Variants in SHISA6 observed in about 807,000 individuals in gnomAD.
SHISA6 encodes the protein protein shisa-6.
SHISA6 carries 22 observed loss-of-function variants against 47.9 expected under a neutral mutation model. The ratio of observed to expected loss-of-function variants is 0.46; its 90% CI spans 0.33 to 0.66. The LOEUF (loss-of-function observed/expected upper bound fraction) is 0.66, where lower values mean the gene tolerates loss of function less well. Among genes scored for constraint, SHISA6 ranks in the 30% least tolerant of loss-of-function variants. The pLI, the probability that SHISA6 is intolerant of heterozygous loss-of-function variation, is 0.02. For synonymous variants in SHISA6, 388 were observed against 337.8 expected, an observed-to-expected ratio of 1.15 and a Z score of -1.63; for missense variants, 680 against 764.6, an observed-to-expected ratio of 0.89 and a Z score of 1.30.
intron 3 of SHISA6, among the ~76,000 whole-genome samples, chr17:11,445,043 CT>C (rs1915193392): frequency 6.6e-6 from 1 of 152,098 alleles, no homozygotes; most frequent in African/African-American, 2.4e-5. Flanking sequence ...TTTCATGTGA[CT>C]TTTAAAAGAT....
chr17:11,540,167 C>T (rs922842964), intron 3 of SHISA6, among the ~76,000 whole-genome samples: 3 of 152,202 alleles, frequency 2.0e-5, no homozygotes, highest in Admixed American at 2.0e-4. Context: ...TTTGTCAAAG[C>T]TGGTTAATGA....
At chr17:11,305,935 T>C (rs1199478182) in intron 2 of SHISA6, among the ~76,000 whole-genome samples, 6 of 152,016 alleles carry the variant, frequency 3.9e-5, no homozygotes, top group Non-Finnish European at 7.4e-5. Context: ...CAGTTAGTGG[T>C]CTTCACTGTC....
At chr17:11,278,193 G>A (rs1318138980) in intron 2 of SHISA6, among the ~76,000 whole-genome samples, 1 of 152,302 alleles carries the variant, frequency 6.6e-6, no homozygotes, top group East Asian at 1.9e-4. Context: ...AATGGGGAGG[G>A]TCACTGGGAG....
chr17:11,404,029 G>T (rs1348150157), intron 3 of SHISA6, among the ~76,000 whole-genome samples: 10 of 152,130 alleles, frequency 6.6e-5, no homozygotes, highest in African/African-American at 2.4e-4. Context: ...GCACATGAGG[G>T]CTGAGGTACT....
At chr17:11,333,169 T>A (rs1272371250) in intron 2 of SHISA6, among the ~76,000 whole-genome samples, 2 of 152,176 alleles carry the variant, frequency 1.3e-5, no homozygotes, top group Non-Finnish European at 2.9e-5. Context: ...CACTCTGTAA[T>A]GTTCAGAGTG....
rs2142392306 is a variant in SHISA6, at chr17:11,557,837, A to T, written c.1189A>T (p.Ile397Phe). The change falls in exon 6 of 6, where the codon ATC becomes TTC. Residue 397 changes from isoleucine to phenylalanine, a missense_variant. Ile to Phe is a conservative substitution (Grantham distance 21). This residue lies in a region of SHISA6 where 559 missense variants were observed against 674.1 expected (regional missense o/e 0.83). Coordinates refer to ENST00000441885, the MANE Select transcript of SHISA6 (RefSeq NM_207386.4). Reference sequence around the variant, plus strand: ...CCGCGGCACCCTCCCCCTCAATGTCATCCAGATGTCCCAACAGAAGCCGTT... The same window carrying T: ...CCGCGGCACCCTCCCCCTCAATGTCTTCCAGATGTCCCAACAGAAGCCGTT... ...AARGTLPLNV[I>F]QMSQQKPLPR... 6.4e-7 allele frequency: 1 copy of T among 1,551,320 alleles called. No homozygotes were observed. Among genetic ancestry groups the T allele is most frequent in the East Asian group, 2.4e-5 (1 of 40,898 alleles).
intron 2 of SHISA6, among the ~76,000 whole-genome samples, chr17:11,314,619 T>G (rs1285482021): frequency 6.7e-6 from 1 of 149,444 alleles, no homozygotes. Context: ...CACTGCAACC[T>G]CCGTCTCCCG....
At chr17:11,539,016 C>A (rs1234760242) in intron 3 of SHISA6, among the ~76,000 whole-genome samples, 1 of 152,174 alleles carries the variant, frequency 6.6e-6, no homozygotes, top group Non-Finnish European at 1.5e-5. Context: ...TCTTGACTTA[C>A]TGCAACCTCC....
chr17:11,319,131 T>C (rs1293568283), intron 2 of SHISA6, among the ~76,000 whole-genome samples: 1 of 148,452 alleles, frequency 6.7e-6, no homozygotes, highest in Non-Finnish European at 1.5e-5. Context: ...CAGGCTGGAG[T>C]GTAATGGCAT....
intron 1 of SHISA6, among the ~76,000 whole-genome samples, chr17:11,248,229 T>A (rs1326919566): frequency 6.6e-6 from 1 of 152,232 alleles, no homozygotes; most frequent in African/African-American, 2.4e-5. Flanking sequence ...CTATTTTTTT[T>A]AATCTCTCGA....
intron 2 of SHISA6, among the ~76,000 whole-genome samples, chr17:11,296,863 G>A (rs181854114): frequency 9.9e-4 from 150 of 152,214 alleles, no homozygotes; most frequent in Admixed American, 6.8e-3. Context: ...AGAAGCTAGA[G>A]AAGAGAGTGC....
At chr17:11,343,437 G>T (rs1282311770) in intron 2 of SHISA6, among the ~76,000 whole-genome samples, 1 of 152,184 alleles carries the variant, frequency 6.6e-6, no homozygotes, top group Non-Finnish European at 1.5e-5. Flanking sequence ...AGTGAGTGGA[G>T]AACTGAGAAA....
At chr17:11,263,285 C>T in intron 1 of SHISA6, 81 bp from the exon 2 acceptor site, 1 of 1,388,034 alleles carries the variant, frequency 7.2e-7, no homozygotes. Context: ...AATCAAAGGG[C>T]ATATGAAAGT....
At chr17:11,283,402 A>G (rs1269971824) in intron 2 of SHISA6, among the ~76,000 whole-genome samples, 1 of 152,186 alleles carries the variant, frequency 6.6e-6, no homozygotes, top group Non-Finnish European at 1.5e-5. Context: ...CTTCAACTCA[A>G]GTTTTCTGAT....
intron 3 of SHISA6, among the ~76,000 whole-genome samples, chr17:11,389,836 T>C (rs1489232588): frequency 6.6e-6 from 1 of 152,188 alleles, no homozygotes; most frequent in Non-Finnish European, 1.5e-5. Context: ...TTTGCTTCCC[T>C]CATTCTCTAC....
intron 2 of SHISA6, among the ~76,000 whole-genome samples, chr17:11,319,209 GCTGGGATTACAGGC>G (rs1222455420): frequency 1.3e-5 from 2 of 151,870 alleles, no homozygotes; most frequent in Non-Finnish European, 2.9e-5. Flanking sequence ...CTCCCAAGTA[GCTGGGATTACAGGC>G]CTGTGCCACC....
chr17:11,480,891 A>C lies in SHISA6; in HGVS notation c.896-71005A>C, dbSNP rs111721952. Among the ~76,000 whole-genome samples the C allele has an allele frequency of 2.3e-3, 357 of 152,326 alleles. 6 individuals carry two copies. The highest frequency in any genetic ancestry group is 7.8e-3 in the African/African-American group (326 of 41,584). On this transcript the variant is annotated intron_variant, in intron 3 of 5. Coordinates refer to ENST00000441885, the MANE Select transcript of SHISA6 (RefSeq NM_207386.4). ...TTGTGACAGGTGTCTTATTTAAAAA[A>C]TCAGTTGAAGGCAGGGGGAAGTGAG...
rs1401829476 is a variant in SHISA6 at position 11,457,807 on chromosome 17, CG to C, written c.895+78301del. Among the ~76,000 whole-genome samples the C allele has an allele frequency of 4.0e-5, 6 of 150,586 alleles. 1 individual carries two copies. Among genetic ancestry groups the C allele is most frequent in the African/African-American group, 1.5e-4 (6 of 40,884 alleles). On this transcript the variant is annotated intron_variant, in intron 3 of 5. Coordinates refer to ENST00000441885, the MANE Select transcript of SHISA6 (RefSeq NM_207386.4). ...CCATAAAAATAGAGAATGCCTGGGC[CG>C]GGCACGGTGGCTTATGCCTGTAATC...
intron 3 of SHISA6, among the ~76,000 whole-genome samples, chr17:11,418,268 G>A (rs1320972175): frequency 6.6e-6 from 1 of 152,070 alleles, no homozygotes; most frequent in Non-Finnish European, 1.5e-5. Flanking sequence ...CTACTTGGCT[G>A]GAACTGTGCT....
Sources: allele counts gnomAD v4.1 joint callset (sites outside exome capture counted in the v4.1 genomes callset), GRCh38; gene constraint gnomAD v4.1.1; regional missense constraint gnomAD v4.1.1; transcripts MANE v1.5; gene names NCBI Gene and HGNC (gene_info 2026-07-23, HGNC 2026-07-21).